The following SMS variants were observed in gnomAD, a reference collection of about 807,000 sequenced individuals.
SMS encodes spermidine aminopropyltransferase.
A neutral mutation model predicts 33.0 loss-of-function variants in SMS; 3 were observed. The observed-to-expected ratio is 0.09, with a 90% CI of 0.04 to 0.23. SMS has a LOEUF of 0.23. Ranked by LOEUF, SMS falls within the 10% of genes least tolerant of loss-of-function variation. The pLI is 1.00. For synonymous variants in SMS, 103 were observed against 112.2 expected (o/e 0.92, Z 0.52); for missense variants, 117 against 288.6 (o/e 0.41, Z 4.31).
At chrX:21,947,315 G>C (rs1922309013) in intron 1 of SMS, among the ~76,000 whole-genome samples, 1 of 111,273 alleles carries the variant, frequency 9.0e-6, no homozygotes, top group South Asian at 3.8e-4. Flanking sequence ...ACTGGGAGTG[G>C]GGAATGCATG....
At chrX:21,943,988 G>A (rs1313364711) in intron 1 of SMS, among the ~76,000 whole-genome samples, 1 of 111,108 alleles carries the variant, frequency 9.0e-6, no homozygotes, top group Non-Finnish European at 1.9e-5. Flanking sequence ...TCTTTTCCCC[G>A]TTTGTCAGTA....
chrX:21,940,730 A>C lies in SMS; in HGVS notation c.-95A>C. On this transcript the variant is annotated 5_prime_UTR_variant, in exon 1 of 11. Transcript: ENST00000404933. ...TCCTAGTCCTGGCCTCCCCGGGCGC[A>C]GCACACTCCCAGCCGGCCGCAGCCT... 2 of 705,055 alleles carry C rather than the reference A, an allele frequency of 2.8e-6. No individual in the cohort carries two copies. Among genetic ancestry groups the C allele is most frequent in the Non-Finnish European group, 4.0e-6 (2 of 494,961 alleles). 58.1% of individuals were successfully genotyped at this position (705,055 alleles called of 1,213,427 possible).
At chrX:21,941,658 G>A (rs1357229154) in intron 1 of SMS, among the ~76,000 whole-genome samples, 1 of 109,460 alleles carries the variant, frequency 9.1e-6, no homozygotes, top group Non-Finnish European at 1.9e-5. Context: ...AGGCCGAGGC[G>A]GGCGGATCAC....
chrX:21,990,030 C>A (rs185659200), intron 9 of SMS, among the ~76,000 whole-genome samples: 1 of 112,173 alleles, frequency 8.9e-6, no homozygotes, highest in African/African-American at 3.2e-5. Context: ...ATGTGAGCCG[C>A]CACACCTGGC....
At chrX:21,955,024 C>T (rs1399933116) in intron 1 of SMS, among the ~76,000 whole-genome samples, 3 of 110,931 alleles carry the variant, frequency 2.7e-5, no homozygotes, top group Non-Finnish European at 5.7e-5. Flanking sequence ...TTAGCAGAGA[C>T]GGAGTTTCAC....
intron 1 of SMS, among the ~76,000 whole-genome samples, chrX:21,941,551 T>A (rs1474714185): frequency 9.2e-6 from 1 of 108,993 alleles, no homozygotes; most frequent in Admixed American, 9.6e-5. Context: ...AGGCATGAGG[T>A]CTGGGCGCGG....
At chrX:21,994,144 C>A (rs2146961457) in intron 10 of SMS, among the ~76,000 whole-genome samples, 168 bp from the exon 11 acceptor site, 1 of 111,803 alleles carries the variant, frequency 8.9e-6, no homozygotes, top group African/African-American at 3.2e-5. Context: ...TGAGGATGTC[C>A]CCAGGCTGCA....
intron 9 of SMS, among the ~76,000 whole-genome samples, chrX:21,989,560 C>A (rs1017858914): frequency 8.9e-6 from 1 of 111,954 alleles, no homozygotes; most frequent in African/African-American, 3.2e-5. Context: ...ATGTCACAGC[C>A]TAAGTTTCCA....
chrX:21,950,291 A>G, intron 1 of SMS, among the ~76,000 whole-genome samples: 1 of 111,025 alleles, frequency 9.0e-6, no homozygotes, highest in East Asian at 2.8e-4. Context: ...TTTGAGGAAG[A>G]TGGTCATGGG....
intron 1 of SMS, among the ~76,000 whole-genome samples, chrX:21,953,386 TCTTA>T (rs762852739): frequency 1.7e-3 from 191 of 111,842 alleles, no homozygotes; most frequent in Non-Finnish European, 3.0e-3. Context: ...TTACATCATT[TCTTA>T]CTTTTTAAGG....
chrX:21,982,108 C>A (rs1283848236), intron 7 of SMS, among the ~76,000 whole-genome samples: 1 of 109,389 alleles, frequency 9.1e-6, no homozygotes, highest in Non-Finnish European at 1.9e-5. Flanking sequence ...CTGAGGTGGG[C>A]GGATCACGAG....
intron 1 of SMS, among the ~76,000 whole-genome samples, chrX:21,956,783 C>A (rs779874348): frequency 8.9e-6 from 1 of 111,732 alleles, no homozygotes; most frequent in African/African-American, 3.3e-5. Flanking sequence ...TTAGCAGAGA[C>A]GGAGTTTCGC....
chrX:21,948,912 ACCT>A (rs1452048224), intron 1 of SMS, among the ~76,000 whole-genome samples: 1 of 111,445 alleles, frequency 9.0e-6, no homozygotes, highest in Non-Finnish European at 1.9e-5. Flanking sequence ...AAGTCAGAAA[ACCT>A]CCTCAATTGA....
At chrX:21,993,186 T>G (rs1481426618) in intron 10 of SMS, among the ~76,000 whole-genome samples, 2 of 112,209 alleles carry the variant, frequency 1.8e-5, no homozygotes, top group Non-Finnish European at 3.8e-5. Flanking sequence ...CCACCCTACC[T>G]GTGGCAGGTA....
intron 1 of SMS, among the ~76,000 whole-genome samples, chrX:21,942,851 T>TTA (rs1921917061): frequency 9.7e-6 from 1 of 103,564 alleles, no homozygotes; most frequent in African/African-American, 3.6e-5. Context: ...TTTTTTTTTT[T>TTA]AATTCTGAGA....
chrX:21,940,975 T>G, intron 1 of SMS, 102 bp downstream of exon 1: 1 of 318,647 alleles, frequency 3.1e-6, no homozygotes, highest in Admixed American at 8.7e-5. Flanking sequence ...GGCCGAACAA[T>G]GCGGGCGGCC....
At chrX:21,943,327 A>G (rs757812465) in intron 1 of SMS, among the ~76,000 whole-genome samples, 162 of 112,032 alleles carry the variant, frequency 1.4e-3, no homozygotes, top group African/African-American at 4.8e-3. Context: ...GAATGAAGAA[A>G]AAGTGAGAGA....
At chrX:21,986,413 A>G (rs1925341904) in intron 9 of SMS, among the ~76,000 whole-genome samples, 1 of 106,075 alleles carries the variant, frequency 9.4e-6, no homozygotes. Context: ...TAACCTTCTG[A>G]GGAGGTGTCT....
intron 9 of SMS, among the ~76,000 whole-genome samples, chrX:21,989,634 A>G (rs5904600): frequency 0.4 from 44,597 of 111,010 alleles, 7,994 homozygotes; most frequent in South Asian, 0.56. Flanking sequence ...ATTAGTGGGC[A>G]TAAAGAAATA....
Sources: allele counts gnomAD v4.1 joint callset (sites outside exome capture counted in the v4.1 genomes callset), GRCh38; gene constraint gnomAD v4.1.1; transcripts MANE v1.5; gene names NCBI Gene and HGNC (gene_info 2026-07-23, HGNC 2026-07-21).